CDH12: variants seen among roughly 807,000 people sequenced by gnomAD.
CDH12 encodes the protein cadherin-12.
A neutral mutation model predicts 74.1 loss-of-function variants in CDH12; 41 were observed. The observed-to-expected ratio is 0.55, with a 90% CI of 0.43 to 0.72. The LOEUF (loss-of-function observed/expected upper bound fraction) is 0.72, where lower values mean the gene tolerates loss of function less well. Among genes scored for constraint, CDH12 ranks in the 30% least tolerant of loss-of-function variants. The pLI, the probability that CDH12 is intolerant of heterozygous loss-of-function variation, is 0.00. For missense variants in CDH12, 945 were observed against 977.2 expected, an observed-to-expected ratio of 0.97 and a Z score of 0.44; for synonymous variants, 399 against 355.0, an observed-to-expected ratio of 1.12 and a Z score of -1.39.
At chr5:22,343,323 C>CAGAGAGAGAGAGAGAGAG (rs377016972) in intron 3 of CDH12, among the ~76,000 whole-genome samples, 19 of 136,260 alleles carry the variant, frequency 1.4e-4, no homozygotes, top group African/African-American at 5.5e-4. Flanking sequence ...GACACACACA[C>CAGAGAGAGAGAGAGAGAG]AGAGAGAGAG....
chr5:22,769,041 A>G (rs1746669469), intron 1 of CDH12, among the ~76,000 whole-genome samples: 1 of 152,166 alleles, frequency 6.6e-6, no homozygotes, highest in South Asian at 2.1e-4. Flanking sequence ...AAGCAAGCAT[A>G]CAACATGCAC....
At chr5:21,775,917 C>T (rs958808211) in intron 11 of CDH12, among the ~76,000 whole-genome samples, 1 of 151,994 alleles carries the variant, frequency 6.6e-6, no homozygotes, top group Non-Finnish European at 1.5e-5. Context: ...ATATGGTAGG[C>T]AAGCTTCTAT....
intron 11 of CDH12, among the ~76,000 whole-genome samples, chr5:21,770,966 A>C (rs1486914559): frequency 6.6e-6 from 1 of 152,158 alleles, no homozygotes; most frequent in East Asian, 1.9e-4. Context: ...AAGAACAGAC[A>C]ACCCAATGCC....
intron 1 of CDH12, among the ~76,000 whole-genome samples, chr5:22,695,534 T>A (rs1742314824): frequency 6.6e-6 from 1 of 152,314 alleles, no homozygotes; most frequent in Non-Finnish European, 1.5e-5. Context: ...CCCTATTTAA[T>A]AAATGGTGCT....
chr5:22,458,189 C>T (rs1745365649), intron 2 of CDH12, among the ~76,000 whole-genome samples: 1 of 152,138 alleles, frequency 6.6e-6, no homozygotes, highest in Non-Finnish European at 1.5e-5. Flanking sequence ...CTCCTTGACT[C>T]TTCTTAGTGT....
intron 3 of CDH12, among the ~76,000 whole-genome samples, chr5:22,251,463 C>T (rs187144488): frequency 6.6e-6 from 1 of 152,150 alleles, no homozygotes; most frequent in Admixed American, 6.5e-5. Flanking sequence ...AGTGGACACA[C>T]AGGAAATTTT....
intron 6 of CDH12, among the ~76,000 whole-genome samples, chr5:21,966,614 A>C (rs560490245): frequency 6.6e-6 from 1 of 152,240 alleles, no homozygotes; most frequent in African/African-American, 2.4e-5. Context: ...TTGAACATAC[A>C]CCTAAAATAA....
intron 4 of CDH12, among the ~76,000 whole-genome samples, chr5:22,210,640 T>C (rs1357948688): frequency 6.6e-6 from 1 of 152,114 alleles, no homozygotes; most frequent in Admixed American, 6.6e-5. Flanking sequence ...AAACGCAACC[T>C]TCAATGGACG....
At chr5:22,350,308 AG>A (rs569768409) in intron 3 of CDH12, among the ~76,000 whole-genome samples, 40 of 152,324 alleles carry the variant, frequency 2.6e-4, no homozygotes, top group African/African-American at 9.4e-4. Context: ...AGAAGCTACA[AG>A]GTTTTTTTCA....
chr5:22,631,659 A>G (rs182196479), intron 1 of CDH12, among the ~76,000 whole-genome samples: 28 of 152,244 alleles, frequency 1.8e-4, no homozygotes, highest in Non-Finnish European at 3.4e-4. Flanking sequence ...GGTAACTTAT[A>G]AAAAGAAGAG....
At chr5:21,831,788 T>A (rs1749037834) in intron 8 of CDH12, among the ~76,000 whole-genome samples, 1 of 152,116 alleles carries the variant, frequency 6.6e-6, no homozygotes, top group Admixed American at 6.6e-5. Context: ...AGCTTTCCAA[T>A]TCAGGTTTTA....
At chr5:22,062,039 A>T (rs1282251156) in intron 5 of CDH12, among the ~76,000 whole-genome samples, 1 of 152,126 alleles carries the variant, frequency 6.6e-6, no homozygotes, top group African/African-American at 2.4e-5. Flanking sequence ...GAACAGCAGG[A>T]GGAGAGAAGA....
rs1213155891 is a variant in CDH12, at chr5:21,920,839, A to T, written c.526+54252T>A. The stretch of plus-strand genomic sequence containing the variant: ...TATTTCATTTTTCTGAACCTTCAAC[A>T]ACCCAAAAACATTTAGGAAAGTAAC... On this transcript the variant is annotated intron_variant, in intron 6 of 14. Coordinates refer to ENST00000382254, the MANE Select transcript of CDH12 (RefSeq NM_004061.5). Among the ~76,000 whole-genome samples the T allele has an allele frequency of 2.0e-5, 3 of 152,208 alleles. No homozygotes were observed. In the South Asian group the frequency reaches 6.2e-4, roughly 32 times the overall value.
chr5:21,917,570 G>GA (rs1226362312), intron 6 of CDH12, among the ~76,000 whole-genome samples: 9 of 152,150 alleles, frequency 5.9e-5, no homozygotes, highest in Admixed American at 5.2e-4. Flanking sequence ...GACATGGAGA[G>GA]AAAATCATCG....
intron 3 of CDH12, among the ~76,000 whole-genome samples, chr5:22,381,403 T>A (rs1389686113): frequency 6.6e-6 from 1 of 152,118 alleles, no homozygotes; most frequent in Non-Finnish European, 1.5e-5. Context: ...GAAACAAATA[T>A]AAGTTTACAT....
At chr5:21,983,469 G>A (rs1372285249) in intron 5 of CDH12, among the ~76,000 whole-genome samples, 1 of 151,874 alleles carries the variant, frequency 6.6e-6, no homozygotes, top group Non-Finnish European at 1.5e-5. Context: ...TAATTATTTA[G>A]AACACTGTCT....
Position 22,048,611 on chromosome 5 carries a change from C to T in CDH12, c.231+29835G>A, listed in dbSNP as rs1372489817. 2.0e-5 allele frequency among the ~76,000 whole-genome samples: 3 copies of T among 151,412 alleles called. No individual in the cohort carries two copies. In the East Asian group the frequency reaches 5.8e-4, roughly 29 times the overall value. ...ATTCAAAGGAAAAAATATTAAGTTG[C>T]TAAAATATGGAAAAATAAAAATATC... On this transcript the variant is annotated intron_variant, in intron 5 of 14. Coordinates refer to ENST00000382254, the MANE Select transcript of CDH12 (RefSeq NM_004061.5).
rs1256321299 is a variant in CDH12, at chr5:21,905,395, T to C, written c.527-50605A>G. Reference sequence around the variant, plus strand: ...TTGATTGGATGCTTGCTAAGCAGACTCTTGGGCACTGGAAATACAGCAGTG... The same window carrying C: ...TTGATTGGATGCTTGCTAAGCAGACCCTTGGGCACTGGAAATACAGCAGTG... On this transcript the variant is annotated intron_variant, in intron 6 of 14. Transcript: ENST00000382254. Among the ~76,000 whole-genome samples the C allele has an allele frequency of 3.9e-5, 6 of 152,352 alleles. No individual in the cohort carries two copies. In the East Asian group the frequency reaches 9.6e-4, roughly 24 times the overall value.
intron 2 of CDH12, among the ~76,000 whole-genome samples, chr5:22,428,381 A>C (rs1744032191): frequency 6.6e-6 from 1 of 152,118 alleles, no homozygotes; most frequent in African/African-American, 2.4e-5. Context: ...ACTGGAATAT[A>C]CACATGATAA....
Sources: gnomAD v4.1 joint callset for allele counts (sites outside exome capture counted in the v4.1 genomes callset) on GRCh38, gnomAD v4.1.1 for gene constraint, MANE v1.5 for transcripts, NCBI Gene and HGNC (gene_info 2026-07-23, HGNC 2026-07-21) for gene names.